Variants in ZNF530 observed in about 807,000 individuals in gnomAD.
ZNF530 encodes the protein zinc finger protein 530.
Under a neutral mutation model 2.8 loss-of-function variants are expected in ZNF530, and 5 were observed. The observed-to-expected ratio is 1.80, with a 90% CI of 0.94 to 3.78. The LOEUF (loss-of-function observed/expected upper bound fraction) is 3.78, where lower values mean the gene tolerates loss of function less well. Among genes scored for constraint, ZNF530 ranks in the 30% most tolerant of loss-of-function variants. ZNF530 has a pLI of 0.00. For missense variants in ZNF530, 619 were observed against 673.3 expected, an observed-to-expected ratio of 0.92 and a Z score of 0.89; for synonymous variants, 229 against 235.0, an observed-to-expected ratio of 0.97 and a Z score of 0.23.
rs767283464 is a variant in ZNF530, at chr19:57,607,158, A to G, written c.1534A>G (p.Arg512Gly). The G allele has an allele frequency of 1.2e-5, 20 of 1,614,080 alleles. No individual in the cohort carries two copies. In the South Asian group the frequency reaches 1.9e-4, roughly 15 times the overall value. The change falls in exon 4 of 4, where the codon AGG becomes GGG. Residue 512 changes from arginine (R) to glycine (G), a missense_variant. Arg to Gly is a moderately radical substitution (Grantham distance 125). Coordinates refer to ENST00000597700, the MANE Select transcript of ZNF530 (RefSeq NM_001321981.2). ...GCATAGGAGAGTTCACACTGGAGAA[A>G]GGCCTTATGAGTGCAGAGAATGTGG... is the stretch of plus-strand genomic sequence containing the variant. ...LQHRRVHTGE[R>G]PYECRECGKS... is the part of the protein sequence containing the mutation.
Position 57,606,730 on chromosome 19 carries a change from C to A in ZNF530, c.1106C>A (p.Thr369Asn). Residue 369 changes from threonine to asparagine, a missense_variant, in exon 4 of 4, where the codon ACT becomes AAT. Coordinates refer to ENST00000597700, the MANE Select transcript of ZNF530 (RefSeq NM_001321981.2). The stretch of plus-strand genomic sequence containing the variant: ...CTTATTCACCACCAAAGATTTCACA[C>A]TGGAGAAAGACCTTATGTGTGCAGT... The part of the protein sequence containing the change: ...IYLIHHQRFH[T>N]GERPYVCSEC... 3 of 1,614,066 alleles carry A rather than the reference C, an allele frequency of 1.9e-6. No homozygotes were observed. The South Asian group carries it at 3.3e-5, about 18-fold the overall frequency.
rs1599940424 is a variant in ZNF530 at position 57,610,081 on chromosome 19, A to G, written c.*2756A>G. Among the ~76,000 whole-genome samples, 2 of 152,334 alleles carry G rather than the reference A, an allele frequency of 1.3e-5. No homozygotes were observed. The highest frequency in any genetic ancestry group is 3.9e-4 in the East Asian group (2 of 5,184). On this transcript the variant is annotated 3_prime_UTR_variant, in exon 4 of 4. Coordinates refer to ENST00000597700, the MANE Select transcript of ZNF530 (RefSeq NM_001321981.2). ...AGTTATAATTGATGTGGAATAAATT[A>G]TATATATTTAAAGTGTACAACTTGA...
At chr19:57,604,443 GTC>G in intron 3 of ZNF530, 37 bp downstream of exon 3, 1 of 1,598,636 alleles carries the variant, frequency 6.3e-7, no homozygotes, top group Non-Finnish European at 8.5e-7. Flanking sequence ...TCCTTTGTGG[GTC>G]TCTCCTTTTC....
intron 2 of ZNF530, among the ~76,000 whole-genome samples, chr19:57,602,565 G>T (rs546445049): frequency 1.9e-4 from 29 of 152,316 alleles, no homozygotes; most frequent in African/African-American, 6.3e-4. Flanking sequence ...GTATCTGGAT[G>T]GATGTTGTGG....
chr19:57,602,221 C>T (rs537981745), intron 2 of ZNF530, among the ~76,000 whole-genome samples: 1 of 152,268 alleles, frequency 6.6e-6, no homozygotes, highest in South Asian at 2.1e-4. Context: ...CCTCACATGG[C>T]CTTTCCTGGG....
In ZNF530 at chr19:57,608,232, T is replaced by G. The variant is rs1980702771; in HGVS notation, c.*907T>G. 6.6e-6 allele frequency: 1 copy of G among 152,216 alleles called. No homozygotes were observed. Among genetic ancestry groups the G allele is most frequent in the African/African-American group, 2.4e-5 (1 of 41,454 alleles). The allele number at this position is 152,216 out of a possible 1,614,324, so 9.4% of individuals were successfully genotyped here. On this transcript the variant is annotated 3_prime_UTR_variant, in exon 4 of 4. Coordinates refer to ENST00000597700, the MANE Select transcript of ZNF530 (RefSeq NM_001321981.2). ...CACTTACCAGGAACTGCCTGTTAAC[T>G]GGCTTGTGCAATGATAAAGGCCTTT...
Position 57,605,779 on chromosome 19 carries a change from C to T in ZNF530, c.155C>T (p.Thr52Ile), listed in dbSNP as rs149878564. 1.9e-6 allele frequency: 3 copies of T among 1,614,096 alleles called. No individual in the cohort carries two copies. The highest frequency in any genetic ancestry group is 1.7e-6 in the Non-Finnish European group (2 of 1,180,054). The change falls in exon 4 of 4, where the codon ACA (threonine) becomes ATA (isoleucine). Residue 52 changes from threonine (T) to isoleucine (I), a missense_variant. By Grantham distance (89) the Thr-to-Ile change is moderately conservative. Coordinates refer to ENST00000597700, the MANE Select transcript of ZNF530 (RefSeq NM_001321981.2). ...LSQGRTPKAD[T>I]STDKSHPCEI... ...CAGGGCAGGACTCCAAAGGCAGATA[C>T]ATCCACTGATAAGAGTCACCCCTGT... is the stretch of plus-strand genomic sequence containing the variant.
chr19:57,607,055 G>A lies in ZNF530; in HGVS notation c.1431G>A (p.Gln477=). ...GAAAAACCCACCTCATTCGACACCA[G>A]ACTGTTCACACTAATGAAAGGCCTT... is the stretch of plus-strand genomic sequence containing the variant. ...FIRKTHLIRH[Q]TVHTNERPYE... Residue 477 remains glutamine (Q), a synonymous_variant, in exon 4 of 4, where the codon CAG becomes CAA. Coordinates refer to ENST00000597700, the MANE Select transcript of ZNF530 (RefSeq NM_001321981.2). 1 of 1,612,400 alleles carries A rather than the reference G, an allele frequency of 6.2e-7. No individual in the cohort carries two copies. Among genetic ancestry groups the A allele is most frequent in the African/African-American group, 1.3e-5 (1 of 74,618 alleles).
Position 57,607,724 on chromosome 19 carries a change from TTG to T in ZNF530, c.*401_*402del, listed in dbSNP as rs1413406779. The T allele has an allele frequency of 5.2e-6, 1 of 191,288 alleles. No individual in the cohort carries two copies. The highest frequency in any genetic ancestry group is 2.4e-5 in the African/African-American group (1 of 42,072). The allele number at this position is 191,288 out of a possible 1,614,324, so 11.8% of individuals were successfully genotyped here. ...TGTGAATGTGTTTTTGCTTGTTAGT[TTG>T]TTTTAACTTGGTATGACGGCACTGG... On this transcript the variant is annotated 3_prime_UTR_variant, in exon 4 of 4. Coordinates refer to ENST00000597700, the MANE Select transcript of ZNF530 (RefSeq NM_001321981.2).
rs750104876 is a variant in ZNF530, at chr19:57,606,501, A to C, written c.877A>C (p.Ser293Arg). 1 of 1,614,200 alleles carries C rather than the reference A, an allele frequency of 6.2e-7. No homozygotes were observed. Among genetic ancestry groups the C allele is most frequent in the Non-Finnish European group, 8.5e-7 (1 of 1,180,036 alleles). ...CACTGGAGAAAGGCCTTATGAGTGC[A>C]GTGAATGTGGGAAATCTTTTAGCCA... is the stretch of plus-strand genomic sequence containing the variant. ...VHTGERPYECSECGKSFSHST... is the reference protein window; with the variant it reads ...VHTGERPYECRECGKSFSHST... Residue 293 changes from serine to arginine, a missense_variant, in exon 4 of 4, where the codon AGT (serine) becomes CGT (arginine). Coordinates refer to ENST00000597700, the MANE Select transcript of ZNF530 (RefSeq NM_001321981.2).
Position 57,610,088 on chromosome 19 carries a change from T to C in ZNF530, c.*2763T>C, listed in dbSNP as rs946122015. On this transcript the variant is annotated 3_prime_UTR_variant, in exon 4 of 4. Coordinates refer to ENST00000597700, the MANE Select transcript of ZNF530 (RefSeq NM_001321981.2). ...ATTGATGTGGAATAAATTATATATATTTAAAGTGTACAACTTGATAAGTTC... is the reference window on the plus strand; with the variant it reads ...ATTGATGTGGAATAAATTATATATACTTAAAGTGTACAACTTGATAAGTTC... Among the ~76,000 whole-genome samples, 19 of 152,204 alleles carry C rather than the reference T, an allele frequency of 1.2e-4. No homozygotes were observed. The highest frequency in any genetic ancestry group is 1.2e-3 in the Admixed American group (19 of 15,284).
At chr19:57,605,008 G>A (rs1980426935) in intron 3 of ZNF530, 2 of 154,212 alleles carry the variant, frequency 1.3e-5, no homozygotes, top group Admixed American at 1.3e-4. Flanking sequence ...CAGCAAGATA[G>A]TCTCAGAGGA....
chr19:57,599,907 T>C lies in ZNF530; in HGVS notation c.-349T>C. ...AGCGGAACTTCCGGCGTCCTCCCTG[T>C]GGCGGGCACTTTGGCTTGTGTCAGT... On this transcript the variant is annotated 5_prime_UTR_variant, in exon 1 of 4. Transcript: ENST00000597700. 3 of 531,340 alleles carry C rather than the reference T, an allele frequency of 5.6e-6. No homozygotes were observed. Among genetic ancestry groups the C allele is most frequent in the South Asian group, 6.2e-5 (2 of 32,070 alleles). The allele number at this position is 531,340 out of a possible 1,614,324, so 32.9% of individuals were successfully genotyped here.
In ZNF530 at chr19:57,606,894, C is replaced by T; in HGVS notation, c.1270C>T (p.His424Tyr). The change falls in exon 4 of 4, where the codon CAC becomes TAC. Residue 424 changes from histidine (H) to tyrosine (Y), a missense_variant. By Grantham distance (83) the His-to-Tyr change is moderately conservative. Transcript: ENST00000597700. ...SSGLFRHRRA[H>Y]TKTKPYECSE... ...TGGCCTCTTTCGACACAGAAGAGCT[C>T]ACACTAAAACAAAGCCTTATGAGTG... The T allele has an allele frequency of 6.2e-7, 1 of 1,613,824 alleles. No homozygotes were observed. Among genetic ancestry groups the T allele is most frequent in the Non-Finnish European group, 8.5e-7 (1 of 1,179,960 alleles).
In ZNF530 at chr19:57,607,947, C is replaced by T. The variant is rs1374067023; in HGVS notation, c.*622C>T. The stretch of plus-strand genomic sequence containing the variant: ...CTTTTCATCACTACCCGCTGGGAGA[C>T]CCACAGAGTGTGCATCAGTCACCAC... On this transcript the variant is annotated 3_prime_UTR_variant, in exon 4 of 4. Transcript: ENST00000597700. 1 of 154,262 alleles carries T rather than the reference C, an allele frequency of 6.5e-6. No individual in the cohort carries two copies. Among genetic ancestry groups the T allele is most frequent in the East Asian group, 1.9e-4 (1 of 5,206 alleles). The allele number at this position is 154,262 out of a possible 1,614,324, so 9.6% of individuals were successfully genotyped here. A position where few individuals can be genotyped will look rare whatever the true frequency, so the allele number is the denominator to read the frequency against.
intron 2 of ZNF530, among the ~76,000 whole-genome samples, chr19:57,602,527 G>A (rs1263395559): frequency 1.3e-5 from 2 of 152,166 alleles, no homozygotes; most frequent in Admixed American, 6.5e-5. Context: ...GGGGAAGGGT[G>A]GGAGCCACAA....
rs189860579 is a variant in ZNF530, at chr19:57,610,007, T to G, written c.*2682T>G. 1.2e-4 allele frequency among the ~76,000 whole-genome samples: 18 copies of G among 152,258 alleles called. No homozygotes were observed. The East Asian group carries it at 3.1e-3, about 26-fold the overall frequency. ...TAGAGACTTAGTAAACCAGACTTTT[T>G]GAAGTGTCAATGACCAAGATTGTTA... On this transcript the variant is annotated 3_prime_UTR_variant, in exon 4 of 4. Transcript: ENST00000597700.
chr19:57,605,891 A>G lies in ZNF530; in HGVS notation c.267A>G (p.Gly89=). The part of the protein sequence containing the change: ...SPCGQKLYLG[G]ASRDFWMSSN... ...GTGGACAGAAATTGTACTTGGGTGG[A>G]GCATCAAGAGATTTCTGGATGAGTT... is the stretch of plus-strand genomic sequence containing the variant. The change falls in exon 4 of 4, where the codon GGA becomes GGG. Residue 89 remains glycine (G), a synonymous_variant. Transcript: ENST00000597700. The G allele has an allele frequency of 6.2e-7, 1 of 1,614,216 alleles. No individual in the cohort carries two copies. Among genetic ancestry groups the G allele is most frequent in the East Asian group, 2.2e-5 (1 of 44,890 alleles).
downstream of ZNF530, among the ~76,000 whole-genome samples, chr19:57,610,932 T>C (rs1980852873): frequency 6.6e-6 from 1 of 152,206 alleles, no homozygotes; most frequent in South Asian, 2.1e-4. Context: ...TATGTATTAA[T>C]CATGGTTTCT....
Sources: allele counts gnomAD v4.1 joint callset (sites outside exome capture counted in the v4.1 genomes callset), GRCh38; gene constraint gnomAD v4.1.1; transcripts MANE v1.5; gene names NCBI Gene and HGNC (gene_info 2026-07-23, HGNC 2026-07-21).